Variants in ARID1B observed in about 807,000 individuals in gnomAD.
The protein encoded by ARID1B is AT-rich interaction domain 1B.
In ARID1B, 30 loss-of-function variants were observed where a neutral mutation model predicts 212.3. The ratio of observed to expected loss-of-function variants is 0.14; its 90% CI spans 0.11 to 0.19. ARID1B has a LOEUF of 0.19. ARID1B is among the 10% of genes least tolerant of loss of function. The probability of loss-of-function intolerance (pLI) is 1.00; values close to 1 mark genes in which losing one functional copy is unlikely to be tolerated. For missense variants in ARID1B, 2,891 were observed against 3,204.0 expected (o/e 0.90, Z 2.36); for synonymous variants, 1,402 against 1,301.7 (o/e 1.08, Z -1.66).
In ARID1B at chr6:156,886,893, T is replaced by G. The variant is rs182929714; in HGVS notation, c.1987-14483T>G. On this transcript the variant is annotated intron_variant, in intron 2 of 19. Transcript: ENST00000636930. ...TTGAGCATCTCCTCTTCCCTTCCCT[T>G]TACACCAACTCAAACTATGATCCAG... Among the ~76,000 whole-genome samples, 422 of 152,330 alleles carry G rather than the reference T, an allele frequency of 2.8e-3. 2 individuals carry two copies. The highest frequency in any genetic ancestry group is 4.4e-3 in the Non-Finnish European group (298 of 68,026).
intron 1 of ARID1B, among the ~76,000 whole-genome samples, chr6:156,800,712 G>C (rs1015653093): frequency 6.6e-6 from 1 of 152,002 alleles, no homozygotes; most frequent in African/African-American, 2.4e-5. Flanking sequence ...TTTGAGACCA[G>C]CTTGGGCAAC....
rs1231572985 is a variant in ARID1B at position 157,209,140 on chromosome 6, AAAG to A, written c.*1252_*1254del. The stretch of plus-strand genomic sequence containing the variant: ...AGATAATGTAGTTTAAAAAAAAAAA[AAAG>A]AAAAAAACTTGATGTAAATTCCTCC... On this transcript the variant is annotated 3_prime_UTR_variant, in exon 20 of 20. Coordinates refer to ENST00000636930, the MANE Select transcript of ARID1B (RefSeq NM_001374828.1). 13 of 230,718 alleles carry A rather than the reference AAAG, an allele frequency of 5.6e-5. No individual in the cohort carries two copies. Among genetic ancestry groups the A allele is most frequent in the African/African-American group, 8.8e-5 (4 of 45,236 alleles). The allele number at this position is 230,718 out of a possible 1,614,324, so 14.3% of individuals were successfully genotyped here.
chr6:157,061,516 G>A (rs771398044), intron 4 of ARID1B, among the ~76,000 whole-genome samples: 2 of 151,814 alleles, frequency 1.3e-5, no homozygotes, highest in Non-Finnish European at 2.9e-5. Flanking sequence ...GGCAGTGGGC[G>A]TGGGTATTTT....
chr6:157,186,228 G>T, intron 13 of ARID1B: 2 of 338,632 alleles, frequency 5.9e-6, no homozygotes, highest in Non-Finnish European at 1.2e-5. Context: ...TGGAGGGCCT[G>T]TTCTCTTAAC....
intron 4 of ARID1B, among the ~76,000 whole-genome samples, chr6:157,027,388 G>A (rs1450115772): frequency 3.3e-5 from 5 of 152,168 alleles, no homozygotes; most frequent in African/African-American, 1.2e-4. Flanking sequence ...AATATGCACT[G>A]TGATAAATGT....
Position 156,880,210 on chromosome 6 carries a change from G to C in ARID1B, c.1987-21166G>C, listed in dbSNP as rs116778136. Among the ~76,000 whole-genome samples, 1,375 of 152,300 alleles carry C rather than the reference G, an allele frequency of 9.0e-3. 28 individuals are homozygous for C. The highest frequency in any genetic ancestry group is 0.031 in the African/African-American group (1,303 of 41,548). ...TTTAGTAGAGCGGGTCAAAGGAAAAGAAGGATGTGATAAGAGAGAGAAGGG... is the reference window on the plus strand; with the variant it reads ...TTTAGTAGAGCGGGTCAAAGGAAAACAAGGATGTGATAAGAGAGAGAAGGG... On this transcript the variant is annotated intron_variant, in intron 2 of 19. Coordinates refer to ENST00000636930, the MANE Select transcript of ARID1B (RefSeq NM_001374828.1).
intron 2 of ARID1B, among the ~76,000 whole-genome samples, chr6:156,832,601 G>A (rs986423936): frequency 3.3e-5 from 5 of 152,186 alleles, no homozygotes; most frequent in African/African-American, 9.7e-5. Flanking sequence ...CCACTTACCA[G>A]CTGAGTGGTA....
chr6:157,034,556 A>C (rs1178542874), intron 4 of ARID1B, among the ~76,000 whole-genome samples: 1 of 152,260 alleles, frequency 6.6e-6, no homozygotes, highest in Admixed American at 6.5e-5. Context: ...AATTTATGAC[A>C]AAAGGAACAA....
chr6:156,811,537 A>G (rs1235346838), intron 1 of ARID1B, among the ~76,000 whole-genome samples: 1 of 152,118 alleles, frequency 6.6e-6, no homozygotes, highest in Non-Finnish European at 1.5e-5. Flanking sequence ...TTTCATTCTG[A>G]GGCCTCTTCC....
chr6:157,204,055 A>T (rs1340159904), intron 19 of ARID1B, 59 bp downstream of exon 19: 1 of 1,602,952 alleles, frequency 6.2e-7, no homozygotes, highest in Non-Finnish European at 8.5e-7. Context: ...CAGGCCATGC[A>T]CATTTGTGCT....
At chr6:157,141,181 G>A (rs1789322297) in intron 7 of ARID1B, 1 of 152,366 alleles carries the variant, frequency 6.6e-6, no homozygotes, top group Admixed American at 6.5e-5. Flanking sequence ...GTGAGACTAA[G>A]GATAATTTTT....
At chr6:156,970,176 G>A (rs1776823526) in intron 4 of ARID1B, among the ~76,000 whole-genome samples, 1 of 152,020 alleles carries the variant, frequency 6.6e-6, no homozygotes, top group African/African-American at 2.4e-5. Flanking sequence ...TGCCTCCTGG[G>A]TTCAAGCAAT....
intron 1 of ARID1B, among the ~76,000 whole-genome samples, chr6:156,801,121 C>T (rs1780752429): frequency 6.6e-6 from 1 of 151,646 alleles, no homozygotes; most frequent in South Asian, 2.1e-4. Flanking sequence ...AGTACTGTGC[C>T]TGGCTCTTAG....
At position 157,084,916 on chromosome 6, in the gene ARID1B, T is replaced by G. The variant is rs1244124201; in HGVS notation, c.2491+11T>G. The stretch of plus-strand genomic sequence containing the variant: ...CTGCAAGTATCCCAGGTATTTACTT[T>G]CCTGACAATTATTATTTTACTTTGT... On this transcript the variant is annotated intron_variant, in intron 5 of 19. Transcript: ENST00000636930. 1 of 1,592,262 alleles carries G rather than the reference T, an allele frequency of 6.3e-7. No homozygotes were observed. The highest frequency in any genetic ancestry group is 1.8e-5 in the Admixed American group (1 of 55,950).
chr6:157,145,218 T>C (rs1789638287), intron 7 of ARID1B, among the ~76,000 whole-genome samples: 1 of 152,134 alleles, frequency 6.6e-6, no homozygotes, highest in Non-Finnish European at 1.5e-5. Context: ...AGCAGTTTAT[T>C]AGCTTGTCCC....
chr6:156,780,987 T>G (rs1779218330), intron 1 of ARID1B, among the ~76,000 whole-genome samples: 1 of 152,226 alleles, frequency 6.6e-6, no homozygotes. Flanking sequence ...TAATAAAACC[T>G]TAAAATTTTT....
intron 2 of ARID1B, among the ~76,000 whole-genome samples, chr6:156,872,338 T>G (rs551778534): frequency 6.6e-6 from 1 of 152,304 alleles, no homozygotes; most frequent in South Asian, 2.1e-4. Context: ...GTTTGTTTTT[T>G]GAGAAGGAGT....
In ARID1B at chr6:157,206,073, T is replaced by C; in HGVS notation, c.5395-94T>C. The C allele has an allele frequency of 7.5e-7, 1 of 1,339,458 alleles. No individual in the cohort carries two copies. Among genetic ancestry groups the C allele is most frequent in the Non-Finnish European group, 1.0e-6 (1 of 968,878 alleles). The allele number at this position is 1,339,458 out of a possible 1,614,324, so 83.0% of individuals were successfully genotyped here. A position where few individuals can be genotyped will look rare whatever the true frequency, so the allele number is the denominator to read the frequency against. ...AACGTGTGACAATGATGGAAAGGTA[T>C]TGACGGGTCTCAGGATCTTTACCCT... On this transcript the variant is annotated intron_variant, in intron 19 of 19. Transcript: ENST00000636930. The surrounding 1 kb of genome is among the most constrained non-coding windows in gnomAD (Gnocchi z 6.8).
intron 3 of ARID1B, among the ~76,000 whole-genome samples, chr6:156,909,183 T>C (rs1011376228): frequency 7.0e-6 from 1 of 142,426 alleles, no homozygotes; most frequent in Admixed American, 7.5e-5. Context: ...TGGAGTGCAG[T>C]GGTGCAATCT....
Sources: gnomAD v4.1 joint callset for allele counts (sites outside exome capture counted in the v4.1 genomes callset) on GRCh38, gnomAD v4.1.1 for gene constraint, Gnocchi (gnomAD v3.1) non-coding constraint, MANE v1.5 for transcripts, NCBI Gene and HGNC (gene_info 2026-07-23, HGNC 2026-07-21) for gene names.